IFT74: variants seen among roughly 807,000 people sequenced by gnomAD.
The protein encoded by IFT74 is intraflagellar transport 74, also known as intraflagellar transport protein 74 homolog.
In IFT74, 92 loss-of-function variants were observed where a neutral mutation model predicts 96.7. The ratio of observed to expected loss-of-function variants is 0.95; its 90% CI spans 0.80 to 1.13. The LOEUF is 1.13. IFT74 is among the 50% of genes most tolerant of loss of function. IFT74 has a pLI of 0.00. For missense variants in IFT74, 811 were observed against 698.2 expected, an observed-to-expected ratio of 1.16 and a Z score of -1.82; for synonymous variants, 223 against 213.2, an observed-to-expected ratio of 1.05 and a Z score of -0.40.
At chr9:26,997,743 A>G in intron 8 of IFT74, 2 of 1,602,350 alleles carry the variant, frequency 1.2e-6, no homozygotes, top group Non-Finnish European at 1.7e-6. Flanking sequence ...GTCACATTTG[A>G]TGTGTTCAAC....
At chr9:27,034,651 C>T (rs1165363368) in intron 13 of IFT74, among the ~76,000 whole-genome samples, 1 of 152,224 alleles carries the variant, frequency 6.6e-6, no homozygotes, top group Non-Finnish European at 1.5e-5. Context: ...ACCTCAGCCT[C>T]CCAAGTAGCT....
At chr9:27,012,735 T>TTTTTTAA (rs1432648656) in intron 10 of IFT74, among the ~76,000 whole-genome samples, 1 of 118,094 alleles carries the variant, frequency 8.5e-6, no homozygotes, top group African/African-American at 3.4e-5. Context: ...TTTTTTTTTT[T>TTTTTTAA]AGACAGAGTA....
At chr9:27,053,056 G>C (rs1455831550) in intron 16 of IFT74, among the ~76,000 whole-genome samples, 1 of 151,946 alleles carries the variant, frequency 6.6e-6, no homozygotes. Flanking sequence ...GTAGAGACGG[G>C]GTTTCACCGT....
chr9:27,053,678 CTT>C (rs929663980), intron 16 of IFT74, among the ~76,000 whole-genome samples: 2 of 152,152 alleles, frequency 1.3e-5, no homozygotes, highest in Non-Finnish European at 2.9e-5. Context: ...GGAAGATAAA[CTT>C]TACCCTATAC....
intron 8 of IFT74, among the ~76,000 whole-genome samples, chr9:27,003,873 G>A (rs1806877907): frequency 6.6e-6 from 1 of 152,204 alleles, no homozygotes; most frequent in Non-Finnish European, 1.5e-5. Context: ...TTTACAAAAG[G>A]TAGTTTACCT....
At chr9:26,951,131 C>T (rs1464124391) in intron 1 of IFT74, among the ~76,000 whole-genome samples, 1 of 152,208 alleles carries the variant, frequency 6.6e-6, no homozygotes, top group Admixed American at 6.5e-5. Flanking sequence ...CTGGACTAAA[C>T]ATCACAGTTT....
At chr9:26,953,781 ATTAGAG>A (rs1012066407), upstream of IFT74, among the ~76,000 whole-genome samples, 3 of 139,544 alleles carry the variant, frequency 2.1e-5, no homozygotes. Flanking sequence ...AAATGTTGGG[ATTAGAG>A]GCATGAGCCA....
chr9:27,041,751 G>A (rs1819490279), intron 13 of IFT74, among the ~76,000 whole-genome samples: 1 of 152,134 alleles, frequency 6.6e-6, no homozygotes, highest in Non-Finnish European at 1.5e-5. Context: ...CCTTAGGACT[G>A]CCTACATTTA....
At chr9:26,982,516 G>A (rs534386236) in intron 4 of IFT74, 26 of 300,600 alleles carry the variant, frequency 8.6e-5, no homozygotes, top group African/African-American at 5.7e-4. Flanking sequence ...GAGTGCAATG[G>A]CCTGATCTCT....
chr9:27,008,475 C>T (rs1828893475), intron 8 of IFT74, among the ~76,000 whole-genome samples: 1 of 151,976 alleles, frequency 6.6e-6, no homozygotes, highest in Admixed American at 6.6e-5. Flanking sequence ...TCTCCTGCCT[C>T]AGCCTCCCAA....
At chr9:27,031,732 T>TAAATGAAATA (rs1830133367) in intron 13 of IFT74, among the ~76,000 whole-genome samples, 1 of 127,948 alleles carries the variant, frequency 7.8e-6, no homozygotes, top group Admixed American at 8.6e-5. Context: ...AATAAAATAA[T>TAAATGAAATA]AAATAAAATA....
intron 1 of IFT74, among the ~76,000 whole-genome samples, chr9:26,949,987 C>T (rs930245480): frequency 2.0e-5 from 3 of 151,866 alleles, no homozygotes; most frequent in Non-Finnish European, 2.9e-5. Flanking sequence ...CCTCTGGTTA[C>T]GTGACTCCAG....
Position 27,029,011 on chromosome 9 carries a change from A to G in IFT74, c.975-14A>G. 6.4e-7 allele frequency: 1 copy of G among 1,567,250 alleles called. No homozygotes were observed. Among genetic ancestry groups the G allele is most frequent in the Non-Finnish European group, 8.7e-7 (1 of 1,152,680 alleles). On this transcript the variant is annotated splice_polypyrimidine_tract_variant and intron_variant, in intron 12 of 19. Coordinates refer to ENST00000380062, the MANE Select transcript of IFT74 (RefSeq NM_025103.4). ...ATATTTCCTTCATAAATTCATTAAA[A>G]ATATTTTCAACAGGTTAACAGATAC...
upstream of IFT74, among the ~76,000 whole-genome samples, chr9:26,954,452 T>C (rs1436184113): frequency 6.6e-6 from 1 of 152,166 alleles, no homozygotes; most frequent in Non-Finnish European, 1.5e-5. Flanking sequence ...ACTTATGATT[T>C]GGAGCTGCCT....
chr9:26,995,451 A>C (rs1358668443), intron 8 of IFT74: 1 of 862,722 alleles, frequency 1.2e-6, no homozygotes, highest in African/African-American at 1.7e-5. Context: ...GTTATGTCAC[A>C]TAGCAAAATC....
chr9:27,046,878 A>G lies in IFT74; in HGVS notation c.1109-396A>G, dbSNP rs182318925. On this transcript the variant is annotated intron_variant, in intron 14 of 19. Coordinates refer to ENST00000380062, the MANE Select transcript of IFT74 (RefSeq NM_025103.4). ...AACAAATTAAACAGTGGCAGCTTAA[A>G]ATTTCTAAAAATTGGGCCAGGTGCC... 3.3e-5 allele frequency among the ~76,000 whole-genome samples: 5 copies of G among 152,288 alleles called. No homozygotes were observed. The East Asian group carries it at 7.7e-4, about 24-fold the overall frequency.
intron 2 of IFT74, among the ~76,000 whole-genome samples, chr9:26,975,440 G>A (rs544605807): frequency 3.3e-5 from 5 of 152,292 alleles, no homozygotes; most frequent in African/African-American, 1.2e-4. Context: ...AGGGTTTGAG[G>A]ATGGGCCTTC....
chr9:27,014,853 C>T (rs890100839), intron 10 of IFT74, among the ~76,000 whole-genome samples: 7 of 152,188 alleles, frequency 4.6e-5, no homozygotes, highest in African/African-American at 1.2e-4. Context: ...GTGATCCACC[C>T]GCCTTGGCCT....
upstream of IFT74, chr9:26,956,004 C>T (rs1313718094): frequency 6.6e-6 from 1 of 152,150 alleles, no homozygotes; most frequent in Non-Finnish European, 1.5e-5. Flanking sequence ...GCGTTGTGTA[C>T]GCTATGCCGT....
Sources: gnomAD v4.1 joint callset for allele counts (sites outside exome capture counted in the v4.1 genomes callset) on GRCh38, gnomAD v4.1.1 for gene constraint, MANE v1.5 for transcripts, NCBI Gene and HGNC (gene_info 2026-07-23, HGNC 2026-07-21) for gene names.